Variants in CNTN1 observed in about 807,000 individuals in gnomAD.
The protein encoded by CNTN1 is contactin-1.
In CNTN1, 38 loss-of-function variants were observed where a neutral mutation model predicts 126.4. That is an observed-to-expected ratio of 0.30 (90% confidence interval 0.23 to 0.39). CNTN1 has a LOEUF of 0.39. Among genes scored for constraint, CNTN1 ranks in the 10% least tolerant of loss-of-function variants. The pLI is 1.00. For missense variants in CNTN1, 1,009 were observed against 1,248.4 expected, an observed-to-expected ratio of 0.81 and a Z score of 2.89; for synonymous variants, 413 against 422.6, an observed-to-expected ratio of 0.98 and a Z score of 0.28.
chr12:40,794,588 G>T (rs1464203451), intron 1 of CNTN1, among the ~76,000 whole-genome samples: 1 of 151,848 alleles, frequency 6.6e-6, no homozygotes, highest in Non-Finnish European at 1.5e-5. Flanking sequence ...AAACATTATG[G>T]GGTTTTCAAA....
intron 12 of CNTN1, among the ~76,000 whole-genome samples, chr12:40,943,251 ACCT>A (rs966062241): frequency 1.3e-5 from 2 of 152,030 alleles, no homozygotes; most frequent in African/African-American, 4.8e-5. Context: ...ATCTGTCCTC[ACCT>A]CCTAGTCTGA....
intron 1 of CNTN1, among the ~76,000 whole-genome samples, chr12:40,708,753 AGAG>A (rs1941834460): frequency 6.6e-6 from 1 of 152,230 alleles, no homozygotes; most frequent in Non-Finnish European, 1.5e-5. Context: ...AGCATCTTCA[AGAG>A]GAGGAGATTC....
At chr12:40,811,068 G>A (rs940242053) in intron 1 of CNTN1, among the ~76,000 whole-genome samples, 6 of 152,070 alleles carry the variant, frequency 3.9e-5, no homozygotes, top group Middle Eastern at 3.4e-3. Flanking sequence ...TTCTTTATCC[G>A]TTCATTCATC....
intron 23 of CNTN1, among the ~76,000 whole-genome samples, chr12:41,068,367 G>A (rs1478689975): frequency 1.3e-5 from 2 of 152,084 alleles, no homozygotes; most frequent in African/African-American, 4.8e-5. Flanking sequence ...TATTGTTATT[G>A]ATAGTGTCCT....
chr12:40,776,826 TAAG>T (rs1380537850), intron 1 of CNTN1, among the ~76,000 whole-genome samples: 7 of 151,782 alleles, frequency 4.6e-5, no homozygotes, highest in Non-Finnish European at 1.0e-4. Flanking sequence ...GCGACACACT[TAAG>T]AAACTCTTTT....
At chr12:40,723,089 CTG>C (rs1942260279) in intron 1 of CNTN1, among the ~76,000 whole-genome samples, 1 of 152,042 alleles carries the variant, frequency 6.6e-6, no homozygotes, top group African/African-American at 2.4e-5. Context: ...CCATAGAGAG[CTG>C]TTAGAGGATG....
chr12:40,802,214 T>A (rs1940684609), intron 1 of CNTN1, among the ~76,000 whole-genome samples: 1 of 151,912 alleles, frequency 6.6e-6, no homozygotes, highest in South Asian at 2.1e-4. Flanking sequence ...AGAGTTTGAG[T>A]TCATCAGTAT....
chr12:40,813,055 CT>C (rs1941135634), intron 1 of CNTN1, among the ~76,000 whole-genome samples: 2 of 115,056 alleles, frequency 1.7e-5, no homozygotes, highest in African/African-American at 6.9e-5. Flanking sequence ...TTCTTTCTTT[CT>C]TTCTTCCTTC....
intron 23 of CNTN1, 125 bp from the exon 24 acceptor site, chr12:41,069,834 T>C (rs1950126589): frequency 2.6e-6 from 2 of 757,526 alleles, no homozygotes. Flanking sequence ...TAAGAGATTC[T>C]GTTTTGTGAA....
chr12:40,960,368 C>G (rs539738458), intron 15 of CNTN1, among the ~76,000 whole-genome samples: 115 of 152,034 alleles, frequency 7.6e-4, no homozygotes, highest in Non-Finnish European at 1.4e-3. Flanking sequence ...TTTGCCTTTA[C>G]TTTTCACACT....
chr12:40,947,299 C>T (rs958877985), intron 14 of CNTN1, among the ~76,000 whole-genome samples: 29 of 151,840 alleles, frequency 1.9e-4, no homozygotes, highest in Non-Finnish European at 8.8e-5. Flanking sequence ...AATACAAGCT[C>T]GAAGCAGAAA....
intron 1 of CNTN1, among the ~76,000 whole-genome samples, chr12:40,905,676 T>A (rs1944782603): frequency 6.6e-6 from 1 of 152,154 alleles, no homozygotes; most frequent in African/African-American, 2.4e-5. Context: ...TTTTACAAAG[T>A]CAATTGCTTG....
intron 1 of CNTN1, among the ~76,000 whole-genome samples, chr12:40,810,276 A>G (rs1186149161): frequency 6.6e-6 from 1 of 152,186 alleles, no homozygotes; most frequent in East Asian, 1.9e-4. Flanking sequence ...AAAGGTGTAT[A>G]TGAGTCACAA....
At chr12:40,776,391 CTTTTG>C (rs1939578859) in intron 1 of CNTN1, among the ~76,000 whole-genome samples, 1 of 151,240 alleles carries the variant, frequency 6.6e-6, no homozygotes, top group African/African-American at 2.4e-5. Flanking sequence ...ACTTTTTTTT[CTTTTG>C]TTTTGTTTTA....
chr12:40,953,550 A>G (rs1302778213), intron 14 of CNTN1, among the ~76,000 whole-genome samples: 1 of 152,114 alleles, frequency 6.6e-6, no homozygotes, highest in Non-Finnish European at 1.5e-5. Flanking sequence ...TTATTGCTAC[A>G]TGTTCACCAA....
intron 1 of CNTN1, among the ~76,000 whole-genome samples, chr12:40,832,158 C>T (rs1407469110): frequency 2.0e-5 from 3 of 152,316 alleles, no homozygotes; most frequent in Admixed American, 6.5e-5. Context: ...ATTGTTTAAT[C>T]TCACTGGAGG....
chr12:40,884,600 C>T lies in CNTN1; in HGVS notation c.-76-23757C>T, dbSNP rs142828240. Among the ~76,000 whole-genome samples the T allele has an allele frequency of 4.5e-3, 689 of 151,492 alleles. 5 individuals carry two copies. The highest frequency in any genetic ancestry group is 0.012 in the African/African-American group (511 of 41,484). Reference sequence around the variant, plus strand: ...AGGAAAATATTAATCATTGCATCCACATAAACATCGAGTATTGTTAATTTT... The same window carrying T: ...AGGAAAATATTAATCATTGCATCCATATAAACATCGAGTATTGTTAATTTT... On this transcript the variant is annotated intron_variant, in intron 1 of 23. Coordinates refer to ENST00000551295, the MANE Select transcript of CNTN1 (RefSeq NM_001843.4).
chr12:40,837,517 G>C (rs1257606771), intron 1 of CNTN1, among the ~76,000 whole-genome samples: 1 of 152,202 alleles, frequency 6.6e-6, no homozygotes, highest in Non-Finnish European at 1.5e-5. Flanking sequence ...ACTGCAGAAA[G>C]AAGGAACTGC....
chr12:40,919,967 A>G (rs77258849), intron 4 of CNTN1, among the ~76,000 whole-genome samples: 10 of 152,340 alleles, frequency 6.6e-5, no homozygotes, highest in Non-Finnish European at 1.5e-4. Context: ...AGGAGATCCA[A>G]TCCAAGAAAA....
Sources: allele counts gnomAD v4.1 joint callset (sites outside exome capture counted in the v4.1 genomes callset), GRCh38; gene constraint gnomAD v4.1.1; transcripts MANE v1.5; gene names NCBI Gene and HGNC (gene_info 2026-07-23, HGNC 2026-07-21).